The following JAKMIP3 variants were observed in gnomAD, a reference collection of about 807,000 sequenced individuals.
The protein encoded by JAKMIP3 is Janus kinase and microtubule interacting protein 3.
JAKMIP3 carries 58 observed loss-of-function variants against 118.5 expected under a neutral mutation model. The ratio of observed to expected loss-of-function variants is 0.49; its 90% confidence interval spans 0.40 to 0.61. The LOEUF is 0.61. Among genes scored for constraint, JAKMIP3 ranks in the 20% least tolerant of loss-of-function variants. JAKMIP3 has a pLI of 0.00. For synonymous variants in JAKMIP3, 486 were observed against 451.2 expected (o/e 1.08, Z -0.98); for missense variants, 950 against 1,109.0 (o/e 0.86, Z 2.04).
rs1253421993 is a variant in JAKMIP3 at position 132,163,256 on chromosome 10, G to A, written c.2268G>A (p.Glu756=). 6.3e-7 allele frequency: 1 copy of A among 1,584,048 alleles called. No homozygotes were observed. Among genetic ancestry groups the A allele is most frequent in the Non-Finnish European group, 8.6e-7 (1 of 1,165,930 alleles). ...EAMLYDALQQ[E]AGAKVAELLS... ...TGCTGTATGATGCCCTGCAGCAGGAGGCCGGGGCTAAGGTGGCTGAGCTGC... is the reference window on the plus strand; with the variant it reads ...TGCTGTATGATGCCCTGCAGCAGGAAGCCGGGGCTAAGGTGGCTGAGCTGC... The change falls in exon 20 of 24, where the codon GAG becomes GAA. Residue 756 remains glutamate, a synonymous_variant. Transcript: ENST00000684848.
intron 1 of JAKMIP3, among the ~76,000 whole-genome samples, chr10:132,057,232 G>A (rs1460200971): frequency 2.6e-5 from 4 of 152,182 alleles, no homozygotes; most frequent in African/African-American, 9.7e-5. Flanking sequence ...TGGGACCCTC[G>A]AAAGAGCCGG....
Position 132,153,742 on chromosome 10 carries a change from G to T in JAKMIP3, c.2074-17G>T, listed in dbSNP as rs376161972. 9.9e-6 allele frequency: 16 copies of T among 1,612,834 alleles called. No homozygotes were observed. The Admixed American group carries it at 1.8e-4, about 18-fold the overall frequency. On this transcript the variant is annotated splice_polypyrimidine_tract_variant and intron_variant, in intron 17 of 23. Transcript: ENST00000684848. Reference sequence around the variant, plus strand: ...GACCCTAGGGGTCACTGTCCTGCTTGTTCTGTTTGTGTCCAGTGGCTCCAG... The same window carrying T: ...GACCCTAGGGGTCACTGTCCTGCTTTTTCTGTTTGTGTCCAGTGGCTCCAG...
At chr10:132,041,595 A>G (rs1177398034) in intron 1 of JAKMIP3, among the ~76,000 whole-genome samples, 1 of 152,334 alleles carries the variant, frequency 6.6e-6, no homozygotes, top group Admixed American at 6.5e-5. Flanking sequence ...AGCAAGGCCG[A>G]CACCCCCACT....
intron 3 of JAKMIP3, among the ~76,000 whole-genome samples, chr10:132,124,325 C>T (rs1252087008): frequency 4.0e-5 from 6 of 151,550 alleles, no homozygotes; most frequent in South Asian, 2.1e-4. Flanking sequence ...CAGCCGGCCG[C>T]GCCATACACG....
chr10:132,136,930 T>C, intron 6 of JAKMIP3, 89 bp from the exon 7 acceptor site: 1 of 1,440,976 alleles, frequency 6.9e-7, no homozygotes, highest in Non-Finnish European at 9.4e-7. Flanking sequence ...GCAGCCCGGG[T>C]TGAGGGAGAA....
At chr10:132,136,167 G>C (rs2051725574) in intron 6 of JAKMIP3, 91 bp downstream of exon 6, 2 of 1,410,076 alleles carry the variant, frequency 1.4e-6, no homozygotes, top group South Asian at 1.3e-5. Flanking sequence ...TAGCATGACA[G>C]CCGGTCCCGG....
At chr10:132,134,976 G>A in intron 4 of JAKMIP3, 65 bp from the exon 5 acceptor site, 2 of 1,588,716 alleles carry the variant, frequency 1.3e-6, no homozygotes, top group Non-Finnish European at 1.7e-6. Context: ...TAGCGTGCTG[G>A]GATTTGCAAA....
intron 23 of JAKMIP3, among the ~76,000 whole-genome samples, chr10:132,175,377 C>T (rs1437045317): frequency 6.6e-6 from 1 of 152,140 alleles, no homozygotes; most frequent in Non-Finnish European, 1.5e-5. Context: ...AATAACTCCT[C>T]CTTTTTGTTA....
intron 3 of JAKMIP3, among the ~76,000 whole-genome samples, chr10:132,133,093 C>T (rs548154439): frequency 4.6e-5 from 7 of 152,310 alleles, no homozygotes; most frequent in East Asian, 3.9e-4. Flanking sequence ...AGGAGTCTCC[C>T]GCTGGCAGCA....
intron 19 of JAKMIP3, among the ~76,000 whole-genome samples, chr10:132,155,079 C>G (rs12570657): frequency 1.7e-4 from 1 of 6,028 alleles, no homozygotes; most frequent in Admixed American, 1.6e-3. Flanking sequence ...AATGGTGATG[C>G]TGCTGGAGGT....
At chr10:132,071,396 G>T (rs776970401) in intron 1 of JAKMIP3, among the ~76,000 whole-genome samples, 2 of 152,142 alleles carry the variant, frequency 1.3e-5, no homozygotes, top group Non-Finnish European at 2.9e-5. Flanking sequence ...TGGTTGGGTG[G>T]TATATCCCAC....
rs1336667084 is a variant in JAKMIP3, at chr10:132,178,011, CTG to C, written c.*1104-4343_*1104-4342del. ...TGGGTAGTGTGTGTGTCTGTGCACA[CTG>C]TGCATTTGGTTGTGTGTGAACCTGC... On this transcript the variant is annotated intron_variant, in intron 23 of 23. Coordinates refer to ENST00000684848, the MANE Select transcript of JAKMIP3 (RefSeq NM_001323087.2). 6.6e-5 allele frequency among the ~76,000 whole-genome samples: 10 copies of C among 152,252 alleles called. No individual in the cohort carries two copies. In the East Asian group the frequency reaches 1.4e-3, roughly 21 times the overall value.
At chr10:132,151,643 G>A (rs571552662) in intron 16 of JAKMIP3, among the ~76,000 whole-genome samples, 61 of 152,332 alleles carry the variant, frequency 4.0e-4, no homozygotes, top group African/African-American at 1.4e-3. Context: ...GTCCCCAAAG[G>A]CACTGCCCAG....
chr10:132,139,032 TCTC>T (rs1360924065), intron 9 of JAKMIP3, among the ~76,000 whole-genome samples: 1 of 151,722 alleles, frequency 6.6e-6, no homozygotes, highest in Non-Finnish European at 1.5e-5. Flanking sequence ...ACCTAACTCA[TCTC>T]CTGCTTTATG....
intron 3 of JAKMIP3, among the ~76,000 whole-genome samples, 168 bp from the exon 4 acceptor site, chr10:132,133,144 G>A (rs147023144): frequency 3.5e-4 from 53 of 152,292 alleles, no homozygotes; most frequent in African/African-American, 1.1e-3. Flanking sequence ...CTGGGAGCCC[G>A]GGTGTCGTGC....
intron 5 of JAKMIP3, among the ~76,000 whole-genome samples, chr10:132,135,563 C>T (rs938870945): frequency 6.6e-6 from 1 of 152,234 alleles, no homozygotes; most frequent in African/African-American, 2.4e-5. Flanking sequence ...GGTGGTTTTA[C>T]CACAGCCCTT....
intron 22 of JAKMIP3, among the ~76,000 whole-genome samples, chr10:132,167,454 C>T (rs1325542207): frequency 6.6e-6 from 1 of 152,162 alleles, no homozygotes; most frequent in East Asian, 1.9e-4. Context: ...CTGGGTGGTG[C>T]TGAGCACAAG....
chr10:132,054,362 A>T (rs1414772405), intron 1 of JAKMIP3, among the ~76,000 whole-genome samples: 1 of 152,082 alleles, frequency 6.6e-6, no homozygotes, highest in African/African-American at 2.4e-5. Flanking sequence ...GTGTGTAGGA[A>T]GACCACCAAG....
intron 2 of JAKMIP3, among the ~76,000 whole-genome samples, chr10:132,109,583 C>T (rs928457552): frequency 6.6e-6 from 1 of 152,178 alleles, no homozygotes; most frequent in Non-Finnish European, 1.5e-5. Context: ...CTCATTGCAC[C>T]TGAGGGCCCT....
Sources: allele counts gnomAD v4.1 joint callset (sites outside exome capture counted in the v4.1 genomes callset), GRCh38; gene constraint gnomAD v4.1.1; transcripts MANE v1.5; gene names NCBI Gene and HGNC (gene_info 2026-07-23, HGNC 2026-07-21).